Variants in EPS8 observed in about 807,000 individuals in gnomAD.
EPS8 encodes epidermal growth factor receptor kinase substrate 8.
Under a neutral mutation model 103.8 loss-of-function variants are expected in EPS8, and 42 were observed. The ratio of observed to expected loss-of-function variants is 0.40; its 90% CI spans 0.32 to 0.52. The LOEUF is 0.52. Ranked by LOEUF, EPS8 falls within the 20% of genes least tolerant of loss-of-function variation. The probability of loss-of-function intolerance (pLI) is 0.40; values close to 1 mark genes in which losing one functional copy is unlikely to be tolerated. For synonymous variants in EPS8, 344 were observed against 344.6 expected (o/e 1.00, Z 0.02); for missense variants, 969 against 1,005.1 (o/e 0.96, Z 0.49).
intron 17 of EPS8, among the ~76,000 whole-genome samples, chr12:15,635,933 G>C (rs746284538): frequency 1.3e-5 from 2 of 151,864 alleles, no homozygotes; most frequent in Non-Finnish European, 2.9e-5. Flanking sequence ...TCTTGGTAGA[G>C]TAAGAATACC....
At chr12:15,712,872 C>G (rs1169493543) in intron 1 of EPS8, 3 of 985,140 alleles carry the variant, frequency 3.0e-6, no homozygotes, top group Non-Finnish European at 2.4e-6. Flanking sequence ...TCAGGAAATA[C>G]TCCTCTAAGC....
intron 2 of EPS8, among the ~76,000 whole-genome samples, 195 bp from the exon 3 acceptor site, chr12:15,681,497 G>C (rs775960223): frequency 6.6e-6 from 1 of 151,768 alleles, no homozygotes; most frequent in South Asian, 2.1e-4. Flanking sequence ...TTGGGAGGCC[G>C]AGGTGGGCAC....
At position 15,772,479 on chromosome 12, in the gene EPS8, T is replaced by A. The variant is rs1347917572; in HGVS notation, c.-22+16682A>T. Among the ~76,000 whole-genome samples, 1 of 152,132 alleles carries A rather than the reference T, an allele frequency of 6.6e-6. No individual in the cohort carries two copies. The highest frequency in any genetic ancestry group is 1.5e-5 in the Non-Finnish European group (1 of 68,024). Reference sequence around the variant, plus strand: ...AATGAGATGAAGGCTAAGAAAATAATTCCAGAAAATCCAGAAACTTTTCAA... The same window carrying A: ...AATGAGATGAAGGCTAAGAAAATAAATCCAGAAAATCCAGAAACTTTTCAA... On this transcript the variant is annotated intron_variant, in intron 1 of 20. Coordinates refer to ENST00000281172, the MANE Select transcript of EPS8 (RefSeq NM_004447.6). The surrounding 1 kb of genome is among the most constrained non-coding windows in gnomAD (Gnocchi z 5.0).
In EPS8 at chr12:15,752,571, G is replaced by A. The variant is rs1946944449; in HGVS notation, c.-22+36590C>T. 6.6e-6 allele frequency among the ~76,000 whole-genome samples: 1 copy of A among 151,994 alleles called. No homozygotes were observed. Among genetic ancestry groups the A allele is most frequent in the South Asian group, 2.1e-4 (1 of 4,818 alleles). On this transcript the variant is annotated intron_variant, in intron 1 of 20. Transcript: ENST00000281172. The surrounding 1 kb of genome is among the most constrained non-coding windows in gnomAD (Gnocchi z 4.4). ...GCAATGGAATTAAAAGAAATTCAGG[G>A]GCCCAGAGTCAGAAACATTATATTG...
chr12:15,645,131 A>T (rs1248914134), intron 15 of EPS8, among the ~76,000 whole-genome samples: 1 of 152,078 alleles, frequency 6.6e-6, no homozygotes, highest in Non-Finnish European at 1.5e-5. Context: ...AAGAAACCTT[A>T]TAAAATTCAC....
intron 13 of EPS8, among the ~76,000 whole-genome samples, chr12:15,653,586 T>C (rs1945453580): frequency 6.6e-6 from 1 of 152,154 alleles, no homozygotes; most frequent in African/African-American, 2.4e-5. Context: ...ACTGTGGAAA[T>C]CCTACCCAAC....
In EPS8 at chr12:15,624,294, T is replaced by C; in HGVS notation, c.2158A>G (p.Asn720Asp). 3 of 1,613,964 alleles carry C rather than the reference T, an allele frequency of 1.9e-6. No homozygotes were observed. The highest frequency in any genetic ancestry group is 2.5e-6 in the Non-Finnish European group (3 of 1,179,916). ...HVPRQNVPVI[N>D]ITYDSTPEDV... ...TCTGGTGTGGAGTCGTAAGTGATATTGATAACTGGCACGTTCTGCCGTGGC... is the reference window on the plus strand; with the variant it reads ...TCTGGTGTGGAGTCGTAAGTGATATCGATAACTGGCACGTTCTGCCGTGGC... The change falls in exon 19 of 21, where the codon AAT (asparagine) becomes GAT (aspartate). Residue 720 changes from asparagine to aspartate, a missense_variant. By Grantham distance (23) the Asn-to-Asp change is conservative (BLOSUM62 1). Coordinates refer to ENST00000281172, the MANE Select transcript of EPS8 (RefSeq NM_004447.6).
intron 1 of EPS8, among the ~76,000 whole-genome samples, chr12:15,739,742 A>G (rs1330714724): frequency 6.6e-6 from 1 of 152,056 alleles, no homozygotes; most frequent in African/African-American, 2.4e-5. Flanking sequence ...TGTGTTAGCC[A>G]GTTCCCCTAA....
chr12:15,667,463 T>C (rs1468505917), intron 6 of EPS8, among the ~76,000 whole-genome samples: 2 of 152,036 alleles, frequency 1.3e-5, no homozygotes, highest in African/African-American at 4.8e-5. Context: ...CAATAAGACA[T>C]TACAAATATC....
At chr12:15,621,572 G>A in intron 20 of EPS8, 142 bp from the exon 21 acceptor site, 1 of 575,338 alleles carries the variant, frequency 1.7e-6, no homozygotes, top group Non-Finnish European at 3.0e-6. Context: ...CTTTTTAAGT[G>A]AAGCTTCTGC....
intron 3 of EPS8, 89 bp from the exon 4 acceptor site, chr12:15,671,012 C>G: frequency 1.1e-6 from 1 of 872,034 alleles, no homozygotes; most frequent in Non-Finnish European, 1.9e-6. Context: ...TAAAACTAGT[C>G]TATCTCACAT....
intron 3 of EPS8, among the ~76,000 whole-genome samples, chr12:15,673,230 G>A (rs1945846340): frequency 6.6e-6 from 1 of 152,052 alleles, no homozygotes; most frequent in African/African-American, 2.4e-5. Context: ...TTCCTAAGCT[G>A]CTTTCTCTAT....
At chr12:15,739,017 G>C (rs1370208709) in intron 1 of EPS8, among the ~76,000 whole-genome samples, 2 of 152,036 alleles carry the variant, frequency 1.3e-5, no homozygotes, top group Non-Finnish European at 2.9e-5. Flanking sequence ...TACATCCCTG[G>C]GTTACTATTC....
chr12:15,782,801 C>G (rs1250949283), intron 1 of EPS8, among the ~76,000 whole-genome samples: 1 of 152,278 alleles, frequency 6.6e-6, no homozygotes, highest in South Asian at 2.1e-4. Flanking sequence ...TACTGTACTA[C>G]TGTAATAATT....
chr12:15,625,393 G>A (rs1452809527), intron 18 of EPS8, among the ~76,000 whole-genome samples: 1 of 152,016 alleles, frequency 6.6e-6, no homozygotes, highest in Non-Finnish European at 1.5e-5. Flanking sequence ...TATGATTTCT[G>A]TTACCTTTAA....
chr12:15,624,543 A>T, intron 18 of EPS8, 136 bp from the exon 19 acceptor site: 1 of 588,702 alleles, frequency 1.7e-6, no homozygotes, highest in East Asian at 2.9e-5. Context: ...CCTCACTTTT[A>T]TCCTCGCCTG....
In EPS8 at chr12:15,654,121, G is replaced by A. The variant is rs1472742451; in HGVS notation, c.1250+24C>T. 2.5e-6 allele frequency: 4 copies of A among 1,605,378 alleles called. No individual in the cohort carries two copies. The African/African-American group carries it at 4.0e-5, about 16-fold the overall frequency. On this transcript the variant is annotated intron_variant, in intron 13 of 20. Transcript: ENST00000281172. ...TAATTAACAAAGAATGGTACTTAAG[G>A]CATTATAGGTGGTAAATGCTTACCT...
At chr12:15,651,211 TGAAA>T (rs1464557312) in intron 13 of EPS8, among the ~76,000 whole-genome samples, 7 of 152,188 alleles carry the variant, frequency 4.6e-5, no homozygotes, top group Non-Finnish European at 7.4e-5. Flanking sequence ...CTTAATAAAA[TGAAA>T]GAAAGATTGA....
chr12:15,726,370 T>C (rs1344437463), intron 1 of EPS8, among the ~76,000 whole-genome samples: 1 of 152,070 alleles, frequency 6.6e-6, no homozygotes, highest in Non-Finnish European at 1.5e-5. Context: ...TCTCTGTGGT[T>C]GGCAAGGAAG....
Sources: allele counts gnomAD v4.1 joint callset (sites outside exome capture counted in the v4.1 genomes callset), GRCh38; gene constraint gnomAD v4.1.1; non-coding constraint Gnocchi (gnomAD v3.1); transcripts MANE v1.5; gene names NCBI Gene and HGNC (gene_info 2026-07-23, HGNC 2026-07-21).